The following C1QTNF7 variants were observed in gnomAD, a reference collection of about 807,000 sequenced individuals.
C1QTNF7 encodes the protein complement C1q tumor necrosis factor-related protein 7.
A neutral mutation model predicts 19.6 loss-of-function variants in C1QTNF7; 15 were observed. The observed-to-expected ratio is 0.76, with a 90% CI of 0.51 to 1.18. The LOEUF (loss-of-function observed/expected upper bound fraction) is 1.18. C1QTNF7 is among the 50% of genes most tolerant of loss of function. C1QTNF7 has a pLI of 0.00. For synonymous variants in C1QTNF7, 142 were observed against 137.5 expected, an observed-to-expected ratio of 1.03 and a Z score of -0.23; for missense variants, 324 against 359.7, an observed-to-expected ratio of 0.90 and a Z score of 0.80.
At chr4:15,409,953 T>C (rs1386843712) in intron 1 of C1QTNF7, among the ~76,000 whole-genome samples, 1 of 152,224 alleles carries the variant, frequency 6.6e-6, no homozygotes, top group Non-Finnish European at 1.5e-5. Context: ...ATGATCACAA[T>C]TGAATTATCT....
upstream of C1QTNF7, among the ~76,000 whole-genome samples, chr4:15,425,748 G>A (rs1445834830): frequency 6.6e-6 from 1 of 152,162 alleles, no homozygotes; most frequent in Non-Finnish European, 1.5e-5. Flanking sequence ...ATTAAAGAAA[G>A]TGATGCTTGT....
In C1QTNF7 at chr4:15,446,056, C is replaced by T. The variant is rs1712989026; in HGVS notation, c.*3257C>T. 1 of 152,126 alleles carries T rather than the reference C, an allele frequency of 6.6e-6. No homozygotes were observed. Among genetic ancestry groups the T allele is most frequent in the African/African-American group, 2.4e-5 (1 of 41,418 alleles). The allele number at this position is 152,126 out of a possible 1,614,324, so 9.4% of individuals were successfully genotyped here. Reference sequence around the variant, plus strand: ...ACAAGGGTATTTCCAGGTCATTTATCATTGTGAACAGTGTTGCTTATGATA... The same window carrying T: ...ACAAGGGTATTTCCAGGTCATTTATTATTGTGAACAGTGTTGCTTATGATA... On this transcript the variant is annotated 3_prime_UTR_variant, in exon 3 of 3. Transcript: ENST00000444304.
At chr4:15,393,643 A>C (rs1379279519) in intron 1 of C1QTNF7, among the ~76,000 whole-genome samples, 3 of 152,224 alleles carry the variant, frequency 2.0e-5, no homozygotes, top group Non-Finnish European at 4.4e-5. Context: ...TAATCCAGGT[A>C]GCTTCCTTGC....
intron 1 of C1QTNF7, among the ~76,000 whole-genome samples, chr4:15,346,785 A>G (rs1022673137): frequency 2.0e-5 from 3 of 152,172 alleles, no homozygotes; most frequent in Non-Finnish European, 2.9e-5. Flanking sequence ...AATAAAGACC[A>G]TATTCTTCAA....
chr4:15,432,335 T>C (rs963961953), intron 1 of C1QTNF7, among the ~76,000 whole-genome samples: 4 of 152,218 alleles, frequency 2.6e-5, no homozygotes, highest in Admixed American at 2.0e-4. Flanking sequence ...ATCCCAGTAC[T>C]TGACTGACCA....
At chr4:15,368,594 T>C (rs1025639442) in intron 1 of C1QTNF7, among the ~76,000 whole-genome samples, 5 of 152,238 alleles carry the variant, frequency 3.3e-5, no homozygotes, top group East Asian at 3.8e-4. Context: ...TCCAGCTTCA[T>C]CCATGTCCCT....
intron 1 of C1QTNF7, among the ~76,000 whole-genome samples, chr4:15,386,734 T>C (rs532149808): frequency 6.6e-6 from 1 of 152,262 alleles, no homozygotes; most frequent in Admixed American, 6.5e-5. Flanking sequence ...AAAGGCTTTC[T>C]AGGCAGGAAG....
intron 2 of C1QTNF7, among the ~76,000 whole-genome samples, chr4:15,441,593 A>G (rs879289565): frequency 8.5e-5 from 13 of 152,242 alleles, no homozygotes; most frequent in Admixed American, 8.5e-4. Flanking sequence ...GTGGCAAGTG[A>G]TCCATCATCA....
intron 1 of C1QTNF7, among the ~76,000 whole-genome samples, chr4:15,368,626 C>A (rs917411068): frequency 6.6e-6 from 1 of 152,140 alleles, no homozygotes; most frequent in Non-Finnish European, 1.5e-5. Context: ...GAACTCATCC[C>A]TTTTTATGGC....
At chr4:15,364,533 A>T (rs761033623) in intron 1 of C1QTNF7, among the ~76,000 whole-genome samples, 8 of 152,240 alleles carry the variant, frequency 5.3e-5, no homozygotes, top group Non-Finnish European at 8.8e-5. Flanking sequence ...TGCTCAGCAG[A>T]TAATGCCAAA....
chr4:15,435,880 CT>C lies in C1QTNF7; in HGVS notation c.138del (p.Gly47GlufsTer35). The C allele has an allele frequency of 6.2e-7, 1 of 1,614,066 alleles. No homozygotes were observed. Among genetic ancestry groups the C allele is most frequent in the South Asian group, 1.1e-5 (1 of 91,066 alleles). On this transcript the variant is annotated frameshift_variant, in exon 2 of 3. Coordinates refer to ENST00000444304, the MANE Select transcript of C1QTNF7 (RefSeq NM_031911.5). LOFTEE classifies it high-confidence loss of function. ...IPGLPGPPGP[P>X]GANGSPGPHG... ...GGCTTGCCTGGACCTCCAGGGCCCC[CT>C]GGAGCAAATGGTTCCCCTGGGCCCC...
intron 1 of C1QTNF7, among the ~76,000 whole-genome samples, chr4:15,399,546 A>G (rs1475770424): frequency 6.6e-6 from 1 of 152,220 alleles, no homozygotes. Context: ...ATAATCATGT[A>G]CGTAGTGTTT....
chr4:15,349,306 C>A (rs1716821827), intron 1 of C1QTNF7, among the ~76,000 whole-genome samples: 2 of 152,134 alleles, frequency 1.3e-5, no homozygotes, highest in Non-Finnish European at 2.9e-5. Flanking sequence ...TTTTTGTACA[C>A]TCACCTCCCG....
intron 1 of C1QTNF7, among the ~76,000 whole-genome samples, chr4:15,383,343 T>C (rs1268816398): frequency 3.3e-5 from 5 of 152,166 alleles, no homozygotes; most frequent in Non-Finnish European, 5.9e-5. Context: ...TTGATTCACA[T>C]GGCCCCCAAA....
chr4:15,415,633 A>G (rs1719578411), intron 1 of C1QTNF7, among the ~76,000 whole-genome samples: 4 of 151,114 alleles, frequency 2.6e-5, no homozygotes, highest in Admixed American at 6.6e-5. Flanking sequence ...ATATATATAT[A>G]TATATTAGAG....
At chr4:15,364,037 G>A (rs1004976977) in intron 1 of C1QTNF7, among the ~76,000 whole-genome samples, 5 of 152,038 alleles carry the variant, frequency 3.3e-5, no homozygotes, top group South Asian at 4.1e-4. Flanking sequence ...CTTTATATTC[G>A]CATTGTCTAA....
intron 1 of C1QTNF7, among the ~76,000 whole-genome samples, chr4:15,420,890 C>T (rs1164697599): frequency 7.4e-6 from 1 of 136,052 alleles, no homozygotes; most frequent in Non-Finnish European, 1.5e-5. Flanking sequence ...CTCCCCAGCA[C>T]ACTGAGTCAT....
chr4:15,420,751 A>G (rs982640758), intron 1 of C1QTNF7, among the ~76,000 whole-genome samples: 1 of 151,144 alleles, frequency 6.6e-6, no homozygotes, highest in African/African-American at 2.4e-5. Flanking sequence ...CTCCACAAAG[A>G]AATGTCAGTG....
chr4:15,414,616 G>A (rs558209650), intron 1 of C1QTNF7, among the ~76,000 whole-genome samples: 18 of 151,992 alleles, frequency 1.2e-4, no homozygotes, highest in African/African-American at 3.6e-4. Context: ...TAGAATATCC[G>A]TTTGTTTTGC....
Sources: allele counts gnomAD v4.1 joint callset (sites outside exome capture counted in the v4.1 genomes callset), GRCh38; gene constraint gnomAD v4.1.1; transcripts MANE v1.5; gene names NCBI Gene and HGNC (gene_info 2026-07-23, HGNC 2026-07-21).